Variants in RALYL observed in about 807,000 individuals in gnomAD.
RALYL encodes RNA-binding Raly-like protein.
Under a neutral mutation model 35.1 loss-of-function variants are expected in RALYL, and 29 were observed. The observed-to-expected ratio is 0.83, with a 90% CI of 0.61 to 1.13. The LOEUF (loss-of-function observed/expected upper bound fraction) is 1.13. RALYL is among the 50% of genes most tolerant of loss of function. RALYL has a pLI of 0.00. For synonymous variants in RALYL, 120 were observed against 127.6 expected (o/e 0.94, Z 0.40); for missense variants, 359 against 360.4 (o/e 1.00, Z 0.03).
intron 2 of RALYL, among the ~76,000 whole-genome samples, chr8:84,749,629 A>T (rs1404474834): frequency 6.6e-6 from 1 of 152,184 alleles, no homozygotes; most frequent in East Asian, 1.9e-4. Context: ...CACAGGACAT[A>T]AATTAGTAAG....
At chr8:84,840,532 G>A (rs1833025009) in intron 4 of RALYL, among the ~76,000 whole-genome samples, 1 of 152,200 alleles carries the variant, frequency 6.6e-6, no homozygotes, top group South Asian at 2.1e-4. Context: ...AACCAAGTTG[G>A]AAAACACTCT....
At chr8:84,284,727 A>T (rs1252003249) in intron 1 of RALYL, among the ~76,000 whole-genome samples, 1 of 152,186 alleles carries the variant, frequency 6.6e-6, no homozygotes, top group East Asian at 1.9e-4. Flanking sequence ...TTGGAAAGAG[A>T]CACAGGTTAA....
At chr8:84,513,820 G>C (rs1471574931) in intron 1 of RALYL, among the ~76,000 whole-genome samples, 3 of 151,992 alleles carry the variant, frequency 2.0e-5, no homozygotes, top group South Asian at 4.2e-4. Flanking sequence ...ATAGGACCAG[G>C]TGCAGTGGCT....
chr8:84,254,615 A>T (rs1389745072), intron 1 of RALYL, among the ~76,000 whole-genome samples: 2 of 152,036 alleles, frequency 1.3e-5, no homozygotes, highest in East Asian at 3.9e-4. Flanking sequence ...GAGTTCTACA[A>T]ATTAATATGT....
At chr8:84,747,780 A>C (rs533222679) in intron 2 of RALYL, among the ~76,000 whole-genome samples, 1 of 151,964 alleles carries the variant, frequency 6.6e-6, no homozygotes, top group Non-Finnish European at 1.5e-5. Flanking sequence ...ATACTTAGGA[A>C]AAGAGTTACT....
At chr8:84,439,571 C>T (rs779490322) in intron 1 of RALYL, among the ~76,000 whole-genome samples, 4 of 152,084 alleles carry the variant, frequency 2.6e-5, no homozygotes, top group Non-Finnish European at 5.9e-5. Context: ...AAGCTACATG[C>T]ATCATCTGTC....
At chr8:84,573,491 C>G (rs1808537389) in intron 2 of RALYL, among the ~76,000 whole-genome samples, 1 of 151,676 alleles carries the variant, frequency 6.6e-6, no homozygotes, top group Admixed American at 6.6e-5. Flanking sequence ...CTTTTTTTCA[C>G]TGGTATTCAA....
At chr8:84,433,388 G>A (rs1263533416) in intron 1 of RALYL, among the ~76,000 whole-genome samples, 1 of 152,014 alleles carries the variant, frequency 6.6e-6, no homozygotes, top group Non-Finnish European at 1.5e-5. Flanking sequence ...TTCTTAGAGG[G>A]AGAGAATTAT....
At chr8:84,230,982 A>G (rs1825209093) in intron 1 of RALYL, among the ~76,000 whole-genome samples, 1 of 152,166 alleles carries the variant, frequency 6.6e-6, no homozygotes, top group Non-Finnish European at 1.5e-5. Context: ...TCTAGACACT[A>G]ACACTCTTTT....
chr8:84,215,030 C>T (rs1160677818), intron 1 of RALYL, among the ~76,000 whole-genome samples: 2 of 151,610 alleles, frequency 1.3e-5, no homozygotes, highest in African/African-American at 2.4e-5. Flanking sequence ...CTCAGCCTCC[C>T]GAGTACCTGG....
intron 2 of RALYL, among the ~76,000 whole-genome samples, chr8:84,626,944 CAATT>C (rs1297471957): frequency 4.6e-5 from 7 of 152,114 alleles, no homozygotes; most frequent in African/African-American, 7.2e-5. Context: ...ACAGACCAGT[CAATT>C]AAACCCCTAT....
At chr8:84,319,695 A>G (rs1404783005) in intron 1 of RALYL, among the ~76,000 whole-genome samples, 1 of 152,062 alleles carries the variant, frequency 6.6e-6, no homozygotes, top group African/African-American at 2.4e-5. Context: ...TTCATTAATG[A>G]TTCTTGAGTT....
intron 1 of RALYL, among the ~76,000 whole-genome samples, chr8:84,278,170 A>G (rs1835792055): frequency 6.6e-6 from 1 of 152,204 alleles, no homozygotes; most frequent in Non-Finnish European, 1.5e-5. Context: ...GTTCCCAAAC[A>G]TCAATTATTG....
intron 1 of RALYL, among the ~76,000 whole-genome samples, chr8:84,512,664 G>A (rs1479624127): frequency 1.3e-5 from 2 of 152,044 alleles, no homozygotes; most frequent in African/African-American, 4.8e-5. Flanking sequence ...CATAGTTTCA[G>A]TTTTACATAT....
intron 2 of RALYL, among the ~76,000 whole-genome samples, chr8:84,626,928 A>G (rs1250727977): frequency 1.3e-5 from 2 of 152,182 alleles, no homozygotes; most frequent in East Asian, 1.9e-4. Context: ...ATTTCGTGTG[A>G]CACTGACAGA....
chr8:84,664,262 G>GTTT (rs750256632), intron 2 of RALYL, among the ~76,000 whole-genome samples: 42 of 43,054 alleles, frequency 9.8e-4, no homozygotes, highest in Admixed American at 1.9e-3. Context: ...GATGCCTCTA[G>GTTT]ATTTTTTTTT....
intron 1 of RALYL, among the ~76,000 whole-genome samples, chr8:84,491,738 A>G (rs1423555725): frequency 1.3e-5 from 2 of 152,042 alleles, no homozygotes; most frequent in African/African-American, 2.4e-5. Flanking sequence ...TGGATGTCTT[A>G]TAAGATAAAT....
chr8:84,793,149 T>C (rs183707643), intron 3 of RALYL, among the ~76,000 whole-genome samples: 45 of 152,236 alleles, frequency 3.0e-4, no homozygotes, highest in Middle Eastern at 3.4e-3. Context: ...ATGTGCCTAT[T>C]TGTGAGTCAT....
At chr8:84,884,789 G>C (rs1039826694) in intron 7 of RALYL, among the ~76,000 whole-genome samples, 9 of 152,050 alleles carry the variant, frequency 5.9e-5, no homozygotes, top group African/African-American at 2.2e-4. Flanking sequence ...TCACTGTACA[G>C]AATTATAAGA....
Sources: allele counts gnomAD v4.1 joint callset (sites outside exome capture counted in the v4.1 genomes callset), GRCh38; gene constraint gnomAD v4.1.1; transcripts MANE v1.5; gene names NCBI Gene and HGNC (gene_info 2026-07-23, HGNC 2026-07-21).